Variants in MAP4K4 observed in about 807,000 individuals in gnomAD.
MAP4K4 encodes HPK/GCK-like kinase HGK.
In MAP4K4, 38 loss-of-function variants were observed where a neutral mutation model predicts 189.6. The observed-to-expected ratio is 0.20, with a 90% CI of 0.15 to 0.26. MAP4K4 has a LOEUF of 0.26. Among genes scored for constraint, MAP4K4 ranks in the 10% least tolerant of loss-of-function variants. The pLI, the probability that MAP4K4 is intolerant of heterozygous loss-of-function variation, is 1.00. For synonymous variants in MAP4K4, 610 were observed against 624.3 expected, an observed-to-expected ratio of 0.98 and a Z score of 0.34; for missense variants, 1,054 against 1,726.9, an observed-to-expected ratio of 0.61 and a Z score of 6.91.
intron 3 of MAP4K4, among the ~76,000 whole-genome samples, chr2:101,807,875 C>G (rs999378465): frequency 3.3e-5 from 5 of 152,236 alleles, no homozygotes; most frequent in African/African-American, 1.2e-4. Flanking sequence ...AACTTCCTCA[C>G]TGTCGCAAGG....
At chr2:101,885,141 G>T in intron 28 of MAP4K4, 46 bp from the exon 29 acceptor site, 1 of 1,064,490 alleles carries the variant, frequency 9.4e-7, no homozygotes, top group South Asian at 1.4e-5. Flanking sequence ...GGGCTATGTT[G>T]ATACTGACCT....
intron 2 of MAP4K4, among the ~76,000 whole-genome samples, chr2:101,739,073 C>T (rs2061588067): frequency 6.6e-6 from 1 of 152,108 alleles, no homozygotes; most frequent in Non-Finnish European, 1.5e-5. Flanking sequence ...CACATAATAT[C>T]TAGAAGGTAG....
chr2:101,739,886 CT>C (rs1464976332), intron 2 of MAP4K4, among the ~76,000 whole-genome samples: 1 of 152,130 alleles, frequency 6.6e-6, no homozygotes, highest in Non-Finnish European at 1.5e-5. Context: ...CTTTATAAAT[CT>C]TTTGTTAGTA....
chr2:101,778,883 T>C (rs1339104542), intron 2 of MAP4K4, among the ~76,000 whole-genome samples: 5 of 152,160 alleles, frequency 3.3e-5, no homozygotes, highest in Admixed American at 3.3e-4. Flanking sequence ...ATCTGGTACC[T>C]GGAGCTTTGA....
intron 2 of MAP4K4, among the ~76,000 whole-genome samples, chr2:101,707,294 C>T (rs62155714): frequency 0.25 from 37,452 of 150,602 alleles, 5,482 homozygotes; most frequent in Non-Finnish European, 0.31. Context: ...CTGTAGCCTC[C>T]GCCTTGTGGG....
rs187218860 is a variant in MAP4K4 at position 101,702,995 on chromosome 2, A to G, written c.123+4457A>G. The stretch of plus-strand genomic sequence containing the variant: ...GACCTTTGGGAATGGTAGAAAGGTT[A>G]GGGAGTAGTGGGAATTTCAAGGAGG... On this transcript the variant is annotated intron_variant, in intron 2 of 32. Transcript: ENST00000324219. Among the ~76,000 whole-genome samples the G allele has an allele frequency of 2.6e-5, 4 of 152,272 alleles. No individual in the cohort carries two copies. In the East Asian group the frequency reaches 7.7e-4, roughly 29 times the overall value.
chr2:101,870,736 AG>A (rs1169639127), intron 23 of MAP4K4: 9 of 241,244 alleles, frequency 3.7e-5, no homozygotes, highest in Non-Finnish European at 5.8e-5. Flanking sequence ...TCACAGAGTG[AG>A]GAAGCAGGTC....
intron 3 of MAP4K4, among the ~76,000 whole-genome samples, chr2:101,822,610 C>G (rs1470846593): frequency 6.6e-6 from 1 of 152,026 alleles, no homozygotes; most frequent in Non-Finnish European, 1.5e-5. Context: ...ATAATATTTG[C>G]AAATCAAACT....
At chr2:101,811,740 G>A (rs2095443393) in intron 3 of MAP4K4, among the ~76,000 whole-genome samples, 1 of 152,190 alleles carries the variant, frequency 6.6e-6, no homozygotes, top group Non-Finnish European at 1.5e-5. Flanking sequence ...ACCAATGGAT[G>A]GGCATGTGGT....
At chr2:101,762,059 A>T (rs1340220509) in intron 2 of MAP4K4, among the ~76,000 whole-genome samples, 1 of 152,178 alleles carries the variant, frequency 6.6e-6, no homozygotes, top group African/African-American at 2.4e-5. Flanking sequence ...CCTGTCTGAA[A>T]AAATAGAACC....
Position 101,842,493 on chromosome 2 carries a change from T to C in MAP4K4, c.950-116T>C, listed in dbSNP as rs752566309. 320 of 655,896 alleles carry C rather than the reference T, an allele frequency of 4.9e-4. 1 individual carries two copies. The highest frequency in any genetic ancestry group is 7.5e-4 in the Non-Finnish European group (283 of 378,152). 40.6% of individuals were successfully genotyped at this position (655,896 alleles called of 1,614,324 possible). A position where few individuals can be genotyped will look rare whatever the true frequency, so the allele number is the denominator to read the frequency against. On this transcript the variant is annotated intron_variant, in intron 10 of 32. Coordinates refer to ENST00000324219, the Ensembl canonical transcript of MAP4K4. ...TCCCCAAATCCTCTATACAAGTTGC[T>C]GTTTTCACAGGGAACTTGTTTATTT...
At chr2:101,889,896 C>T (rs1164090731) in intron 32 of MAP4K4, among the ~76,000 whole-genome samples, 1 of 152,200 alleles carries the variant, frequency 6.6e-6, no homozygotes, top group Non-Finnish European at 1.5e-5. Context: ...CCTCTACCCA[C>T]TGTCTTCTGC....
intron 2 of MAP4K4, among the ~76,000 whole-genome samples, chr2:101,764,948 C>T (rs1324414634): frequency 6.6e-6 from 1 of 152,118 alleles, no homozygotes; most frequent in African/African-American, 2.4e-5. Context: ...GACAAACTAA[C>T]ATTATGTAAT....
chr2:101,826,943 A>G (rs2096387961), intron 5 of MAP4K4, among the ~76,000 whole-genome samples: 1 of 151,956 alleles, frequency 6.6e-6, no homozygotes, highest in Non-Finnish European at 1.5e-5. Flanking sequence ...CCACACCCCT[A>G]CTTTGCTTGT....
chr2:101,858,263 T>G (rs1474152513), intron 13 of MAP4K4, among the ~76,000 whole-genome samples: 1 of 152,222 alleles, frequency 6.6e-6, no homozygotes, highest in Non-Finnish European at 1.5e-5. Context: ...AAGTAGGGTT[T>G]TACCCCTCTC....
Position 101,759,058 on chromosome 2 carries a change from G to A in MAP4K4, c.124-31662G>A, listed in dbSNP as rs989525945. On this transcript the variant is annotated intron_variant, in intron 2 of 32. Coordinates refer to ENST00000324219, the Ensembl canonical transcript of MAP4K4. ...TGAGGCAGGAGAATGGCGTAAACCCGGGAGGCGGAGCTTGCAGTGAGCCGA... is the reference window on the plus strand; with the variant it reads ...TGAGGCAGGAGAATGGCGTAAACCCAGGAGGCGGAGCTTGCAGTGAGCCGA... Among the ~76,000 whole-genome samples the A allele has an allele frequency of 5.3e-5, 8 of 151,792 alleles. No homozygotes were observed. The South Asian group carries it at 6.2e-4, about 12-fold the overall frequency.
Position 101,873,780 on chromosome 2 carries a change from A to G in MAP4K4, c.3070+16A>G. Reference sequence around the variant, plus strand: ...ACATCTGTGGGTAAGTACAGTAGCAACAAGAAAGCAGCTGACAAATGGGAC... The same window carrying G: ...ACATCTGTGGGTAAGTACAGTAGCAGCAAGAAAGCAGCTGACAAATGGGAC... On this transcript the variant is annotated intron_variant, in intron 25 of 32. Transcript: ENST00000324219. 2.0e-6 allele frequency: 3 copies of G among 1,530,164 alleles called. No homozygotes were observed. The highest frequency in any genetic ancestry group is 1.8e-6 in the Non-Finnish European group (2 of 1,107,572). The allele number at this position is 1,530,164 out of a possible 1,614,324, so 94.8% of individuals were successfully genotyped here.
intron 12 of MAP4K4, among the ~76,000 whole-genome samples, chr2:101,844,770 A>G (rs2149597840): frequency 6.6e-6 from 1 of 151,952 alleles, no homozygotes; most frequent in African/African-American, 2.4e-5. Flanking sequence ...AAATGCCTTA[A>G]CCTTGGGTAT....
chr2:101,745,601 C>A (rs1221104934), intron 2 of MAP4K4, among the ~76,000 whole-genome samples: 3 of 152,042 alleles, frequency 2.0e-5, no homozygotes, highest in South Asian at 2.1e-4. Context: ...GTCATACTTA[C>A]CTGCACACTT....
Sources: gnomAD v4.1 joint callset for allele counts (sites outside exome capture counted in the v4.1 genomes callset) on GRCh38, gnomAD v4.1.1 for gene constraint, MANE v1.5 for transcripts, NCBI Gene and HGNC (gene_info 2026-07-23, HGNC 2026-07-21) for gene names.